CNTNAP2: variants seen among roughly 807,000 people sequenced by gnomAD.
CNTNAP2 encodes the protein contactin-associated protein-like 2.
CNTNAP2 carries 98 observed loss-of-function variants against 155.2 expected under a neutral mutation model. That is an observed-to-expected ratio of 0.63 (90% CI 0.54 to 0.75). The LOEUF is 0.75. Ranked by LOEUF, CNTNAP2 falls within the 30% of genes least tolerant of loss-of-function variation. The pLI, the probability that CNTNAP2 is intolerant of heterozygous loss-of-function variation, is 0.00. For missense variants in CNTNAP2, 1,727 were observed against 1,688.1 expected (o/e 1.02, Z -0.40); for synonymous variants, 651 against 631.2 (o/e 1.03, Z -0.47).
intron 13 of CNTNAP2, among the ~76,000 whole-genome samples, chr7:147,720,397 A>G (rs1275658000): frequency 6.6e-6 from 1 of 152,124 alleles, no homozygotes; most frequent in Non-Finnish European, 1.5e-5. Context: ...AGGATCACCA[A>G]ACAAGCTAAT....
chr7:146,728,164 A>G (rs1209872383), intron 1 of CNTNAP2, among the ~76,000 whole-genome samples: 1 of 152,128 alleles, frequency 6.6e-6, no homozygotes, highest in African/African-American at 2.4e-5. Context: ...TACAAGATGA[A>G]TACGATTTAG....
intron 1 of CNTNAP2, among the ~76,000 whole-genome samples, chr7:146,563,332 T>G (rs551410331): frequency 2.0e-5 from 3 of 152,258 alleles, no homozygotes; most frequent in Admixed American, 6.5e-5. Context: ...GAGCCACATA[T>G]TCAAAGAAGA....
At chr7:147,390,665 T>C (rs919623912) in intron 9 of CNTNAP2, among the ~76,000 whole-genome samples, 1 of 152,016 alleles carries the variant, frequency 6.6e-6, no homozygotes. Flanking sequence ...GAGTAAGGGA[T>C]CAAAAGACCA....
intron 13 of CNTNAP2, among the ~76,000 whole-genome samples, chr7:147,761,818 A>T (rs1017182053): frequency 6.6e-6 from 1 of 152,220 alleles, no homozygotes; most frequent in African/African-American, 2.4e-5. Context: ...TGATGATCTA[A>T]TGAATCCATT....
chr7:146,151,668 A>ATATATATGTATATATATATATGTG (rs1798047972), intron 1 of CNTNAP2, among the ~76,000 whole-genome samples: 5 of 47,652 alleles, frequency 1.0e-4, no homozygotes, highest in African/African-American at 3.9e-4. Flanking sequence ...ATATATATAT[A>ATATATATGTATATATATATATGTG]TATATATATA....
intron 21 of CNTNAP2, 132 bp from the exon 22 acceptor site, chr7:148,383,517 C>A: frequency 7.7e-7 from 1 of 1,305,140 alleles, no homozygotes; most frequent in Non-Finnish European, 1.1e-6. Flanking sequence ...ATTAATATTT[C>A]ATCCAAAACA....
intron 8 of CNTNAP2, among the ~76,000 whole-genome samples, chr7:147,255,527 T>C (rs1303350662): frequency 6.6e-6 from 1 of 152,042 alleles, no homozygotes; most frequent in African/African-American, 2.4e-5. Context: ...CGGCCAAATA[T>C]TATATGTTGT....
At chr7:146,865,075 A>G (rs1795178352) in intron 3 of CNTNAP2, among the ~76,000 whole-genome samples, 1 of 151,864 alleles carries the variant, frequency 6.6e-6, no homozygotes, top group South Asian at 2.1e-4. Context: ...TGCTAGCATC[A>G]AATATTCGGA....
At position 147,238,051 on chromosome 7, in the gene CNTNAP2, G is replaced by A. The variant is rs567671478; in HGVS notation, c.1349-62090G>A. Among the ~76,000 whole-genome samples, 42 of 152,306 alleles carry A rather than the reference G, an allele frequency of 2.8e-4. No individual in the cohort carries two copies. The East Asian group carries it at 7.7e-3, about 28-fold the overall frequency. ...TTTTTTTGAGACGGAGTCTCGCTCT[G>A]TCGCCCAGGCTGGAGTGCAGTGGCG... On this transcript the variant is annotated intron_variant, in intron 8 of 23. Transcript: ENST00000361727.
At chr7:147,256,272 T>G (rs1804324020) in intron 8 of CNTNAP2, among the ~76,000 whole-genome samples, 1 of 152,050 alleles carries the variant, frequency 6.6e-6, no homozygotes, top group South Asian at 2.1e-4. Context: ...ATGAGATCTT[T>G]CGATTCCCAG....
At chr7:147,225,554 C>A (rs1377012666) in intron 8 of CNTNAP2, among the ~76,000 whole-genome samples, 1 of 152,114 alleles carries the variant, frequency 6.6e-6, no homozygotes, top group Non-Finnish European at 1.5e-5. Flanking sequence ...TACATTTTAT[C>A]ATGCTGCCAG....
chr7:147,015,475 A>G (rs1164587039), intron 3 of CNTNAP2, among the ~76,000 whole-genome samples: 3 of 152,106 alleles, frequency 2.0e-5, no homozygotes, highest in African/African-American at 7.2e-5. Flanking sequence ...TGAAAACACC[A>G]TGCCCTATAA....
chr7:146,181,586 G>A (rs1298201154), intron 1 of CNTNAP2, among the ~76,000 whole-genome samples: 1 of 151,966 alleles, frequency 6.6e-6, no homozygotes, highest in African/African-American at 2.4e-5. Flanking sequence ...AATAGGACTA[G>A]GATAGTAACT....
chr7:147,496,422 G>A (rs1003650416), intron 11 of CNTNAP2, among the ~76,000 whole-genome samples: 1 of 152,134 alleles, frequency 6.6e-6, no homozygotes, highest in African/African-American at 2.4e-5. Context: ...GTGCATTTTT[G>A]AAAACCATTT....
At chr7:147,257,851 C>T (rs948348826) in intron 8 of CNTNAP2, among the ~76,000 whole-genome samples, 4 of 152,074 alleles carry the variant, frequency 2.6e-5, no homozygotes, top group East Asian at 1.9e-4. Flanking sequence ...GTGACTAGAT[C>T]GATAGTGGAG....
At chr7:146,933,672 T>A in intron 3 of CNTNAP2, among the ~76,000 whole-genome samples, 4 of 147,028 alleles carry the variant, frequency 2.7e-5, no homozygotes, top group African/African-American at 5.0e-5. Context: ...TGGGAGAAAA[T>A]TTTCGCAACC....
intron 22 of CNTNAP2, among the ~76,000 whole-genome samples, chr7:148,396,128 C>T (rs1799463354): frequency 2.6e-5 from 4 of 152,150 alleles, no homozygotes; most frequent in Admixed American, 1.3e-4. Context: ...CGGGGCAACG[C>T]GGTTGTACAT....
chr7:147,370,909 C>A (rs924960359), intron 9 of CNTNAP2, among the ~76,000 whole-genome samples: 1 of 151,956 alleles, frequency 6.6e-6, no homozygotes, highest in Admixed American at 6.6e-5. Flanking sequence ...TTAGTATTAC[C>A]AATTGTTACT....
intron 3 of CNTNAP2, among the ~76,000 whole-genome samples, chr7:146,924,521 G>A (rs934708643): frequency 1.6e-4 from 25 of 152,100 alleles, no homozygotes; most frequent in Non-Finnish European, 3.2e-4. Flanking sequence ...ACTTTCCTTA[G>A]GAGGTCAGCA....
Sources: gnomAD v4.1 joint callset for allele counts (sites outside exome capture counted in the v4.1 genomes callset) on GRCh38, gnomAD v4.1.1 for gene constraint, MANE v1.5 for transcripts, NCBI Gene and HGNC (gene_info 2026-07-23, HGNC 2026-07-21) for gene names.